The following BRD4 variants were observed in gnomAD, a reference collection of about 807,000 sequenced individuals.
BRD4 encodes the protein bromodomain-containing protein 4.
In BRD4, 16 loss-of-function variants were observed where a neutral mutation model predicts 142.1. The ratio of observed to expected loss-of-function variants is 0.11; its 90% CI spans 0.08 to 0.17. The LOEUF is 0.17. BRD4 is among the 10% of genes least tolerant of loss of function. The pLI is 1.00. For missense variants in BRD4, 1,424 were observed against 1,810.9 expected (o/e 0.79, Z 3.88); for synonymous variants, 833 against 707.5 (o/e 1.18, Z -2.82).
chr19:15,273,896 G>C (rs1304767245), intron 1 of BRD4, among the ~76,000 whole-genome samples: 2 of 151,354 alleles, frequency 1.3e-5, no homozygotes, highest in Admixed American at 6.6e-5. Context: ...ACTTTTAGTG[G>C]GTTCAGAAGC....
At chr19:15,318,799 C>T (rs2048037375) in intron 1 of BRD4, among the ~76,000 whole-genome samples, 1 of 152,098 alleles carries the variant, frequency 6.6e-6, no homozygotes, top group Admixed American at 6.6e-5. Flanking sequence ...TTCCAAGACC[C>T]TCATCTGCGG....
At chr19:15,271,065 C>T (rs751681907) in intron 2 of BRD4, among the ~76,000 whole-genome samples, 1 of 152,182 alleles carries the variant, frequency 6.6e-6, no homozygotes, top group Non-Finnish European at 1.5e-5. Context: ...AACTCCCAAA[C>T]CCCATGGCCT....
chr19:15,252,195 C>A (rs1435061416), intron 11 of BRD4, among the ~76,000 whole-genome samples: 1 of 152,184 alleles, frequency 6.6e-6, no homozygotes, highest in East Asian at 1.9e-4. Flanking sequence ...GACGCAGAGG[C>A]CAAGGGCAAA....
chr19:15,325,799 G>A (rs1248784312), intron 1 of BRD4, among the ~76,000 whole-genome samples: 1 of 151,916 alleles, frequency 6.6e-6, no homozygotes, highest in Non-Finnish European at 1.5e-5. Flanking sequence ...GGGAGTTCCA[G>A]ACCAGCCTGA....
chr19:15,293,188 A>G (rs890643862), intron 1 of BRD4, among the ~76,000 whole-genome samples: 13 of 152,202 alleles, frequency 8.5e-5, no homozygotes, highest in African/African-American at 3.1e-4. Context: ...GTGCCAATAT[A>G]AAAACCGAAG....
intron 1 of BRD4, among the ~76,000 whole-genome samples, chr19:15,325,997 C>CAAAAAAAAAAAAAA (rs35801340): frequency 3.6e-4 from 18 of 50,586 alleles, no homozygotes; most frequent in Admixed American, 7.6e-4. Flanking sequence ...GACTCCGTCT[C>CAAAAAAAAAAAAAA]AAAAAAAAAA....
At chr19:15,277,619 CAAAAAAA>C (rs67961221) in intron 1 of BRD4, among the ~76,000 whole-genome samples, 3 of 96,024 alleles carry the variant, frequency 3.1e-5, no homozygotes, top group Non-Finnish European at 6.2e-5. Flanking sequence ...CTATCTCTAC[CAAAAAAA>C]AAAAAAAAAA....
In BRD4 at chr19:15,239,146, C is replaced by T. The variant is rs1023216999; in HGVS notation, c.3695G>A (p.Arg1232Gln). ...DSFEQFRRAAREKEEREKALK... is the reference protein window; with the variant it reads ...DSFEQFRRAAQEKEEREKALK... The stretch of plus-strand genomic sequence containing the variant: ...GGCCTTCTCACGCTCCTCTTTCTCC[C>T]GAGCGGCGCGGCGGAACTGCTCGAA... Residue 1232 changes from arginine to glutamine, a missense_variant, in exon 18 of 20, where the codon CGG becomes CAG. Around this residue, in one of 16 missense-constraint regions of BRD4, gnomAD observed 49 missense variants for 97.3 expected, o/e 0.50. Coordinates refer to ENST00000679869, the MANE Select transcript of BRD4 (RefSeq NM_001379291.1). The surrounding 1 kb of genome is among the most constrained non-coding windows in gnomAD (Gnocchi z 7.4). 2 of 1,611,814 alleles carry T rather than the reference C, an allele frequency of 1.2e-6. No homozygotes were observed. The highest frequency in any genetic ancestry group is 1.3e-5 in the African/African-American group (1 of 74,922).
chr19:15,241,250 G>A (rs1269603969), intron 14 of BRD4, among the ~76,000 whole-genome samples: 1 of 152,228 alleles, frequency 6.6e-6, no homozygotes, highest in African/African-American at 2.4e-5. Flanking sequence ...TGGCCTGCCA[G>A]GGATCCACAG....
intron 9 of BRD4, 130 bp downstream of exon 9, chr19:15,255,934 T>C: frequency 1.6e-6 from 2 of 1,260,556 alleles, no homozygotes; most frequent in Non-Finnish European, 2.2e-6. Context: ...CAGCCTGGCC[T>C]GTGAAGCCAC....
At position 15,238,321 on chromosome 19, in the gene BRD4, C is replaced by T. The variant is rs1351206213; in HGVS notation, c.*56G>A. On this transcript the variant is annotated 3_prime_UTR_variant, in exon 20 of 20. Coordinates refer to ENST00000679869, the MANE Select transcript of BRD4 (RefSeq NM_001379291.1). The surrounding 1 kb of genome is among the most constrained non-coding windows in gnomAD (Gnocchi z 7.2). ...CCCACCTCCACCACCGCCCCTAACACTATGGAAAGTCAATGTTTTGCCAGA... is the reference window on the plus strand; with the variant it reads ...CCCACCTCCACCACCGCCCCTAACATTATGGAAAGTCAATGTTTTGCCAGA... The T allele has an allele frequency of 2.5e-6, 4 of 1,610,928 alleles. No individual in the cohort carries two copies. In the African/African-American group the frequency reaches 4.0e-5, roughly 16 times the overall value.
intron 1 of BRD4, among the ~76,000 whole-genome samples, chr19:15,281,036 T>C (rs753942065): frequency 6.6e-6 from 1 of 152,258 alleles, no homozygotes; most frequent in African/African-American, 2.4e-5. Context: ...TCTTTAATTG[T>C]GCAATCTGTG....
At chr19:15,259,890 G>A (rs1286551566) in intron 7 of BRD4, among the ~76,000 whole-genome samples, 1 of 152,244 alleles carries the variant, frequency 6.6e-6, no homozygotes, top group Non-Finnish European at 1.5e-5. Flanking sequence ...ACAGTCAGGG[G>A]TGCTATGGGG....
chr19:15,238,941 C>T lies in BRD4; in HGVS notation c.3822G>A (p.Arg1274=), dbSNP rs200422251. 2.5e-4 allele frequency: 401 copies of T among 1,597,730 alleles called. No homozygotes were observed. The highest frequency in any genetic ancestry group is 3.3e-4 in the Non-Finnish European group (388 of 1,174,542). ...EDEDALEQAR[R]AHEEARRRQE... ...GGCGCCGACGTGCCTCCTCATGGGCCCGCCGGGCCTGCTCCAGCGCATCCT... is the reference window on the plus strand; with the variant it reads ...GGCGCCGACGTGCCTCCTCATGGGCTCGCCGGGCCTGCTCCAGCGCATCCT... The change falls in exon 19 of 20, where the codon CGG becomes CGA. Residue 1274 remains arginine (R), a synonymous_variant. Transcript: ENST00000679869. The surrounding 1 kb of genome is among the most constrained non-coding windows in gnomAD (Gnocchi z 7.2).
chr19:15,325,997 C>CAA (rs35801340), intron 1 of BRD4, among the ~76,000 whole-genome samples: 5,996 of 50,484 alleles, frequency 0.12, 406 homozygotes, highest in Non-Finnish European at 0.16. Flanking sequence ...GACTCCGTCT[C>CAA]AAAAAAAAAA....
At position 15,238,081 on chromosome 19, in the gene BRD4, C is replaced by T; in HGVS notation, c.*296G>A. On this transcript the variant is annotated 3_prime_UTR_variant, in exon 20 of 20. Transcript: ENST00000679869. The surrounding 1 kb of genome is among the most constrained non-coding windows in gnomAD (Gnocchi z 7.2). ...ATTTGGCGGAGAGAAGGGCCTCTGC[C>T]CCGCATGTGGGGATGCAGGGCTTGG... 2 of 450,876 alleles carry T rather than the reference C, an allele frequency of 4.4e-6. No individual in the cohort carries two copies. The highest frequency in any genetic ancestry group is 2.5e-5 in the South Asian group (1 of 39,714). The allele number at this position is 450,876 out of a possible 1,614,324, so 27.9% of individuals were successfully genotyped here.
chr19:15,330,698 C>A (rs2048149386), intron 1 of BRD4, among the ~76,000 whole-genome samples: 1 of 152,102 alleles, frequency 6.6e-6, no homozygotes, highest in Admixed American at 6.6e-5. Flanking sequence ...ACCCAGGAGG[C>A]AGAGGTTGCA....
At chr19:15,265,185 T>C (rs148838420) in intron 5 of BRD4, among the ~76,000 whole-genome samples, 169 bp downstream of exon 5, 1 of 152,198 alleles carries the variant, frequency 6.6e-6, no homozygotes, top group East Asian at 1.9e-4. Context: ...TATGGGACCT[T>C]TGAGTCAGTG....
At chr19:15,296,833 C>T (rs1464711801) in intron 1 of BRD4, among the ~76,000 whole-genome samples, 2 of 152,224 alleles carry the variant, frequency 1.3e-5, no homozygotes, top group Non-Finnish European at 2.9e-5. Context: ...AGAGACTTCT[C>T]TAATCTGAAG....
Sources: gnomAD v4.1 joint callset for allele counts (sites outside exome capture counted in the v4.1 genomes callset) on GRCh38, gnomAD v4.1.1 for gene constraint, gnomAD v4.1.1 regional missense constraint, Gnocchi (gnomAD v3.1) non-coding constraint, MANE v1.5 for transcripts, NCBI Gene and HGNC (gene_info 2026-07-23, HGNC 2026-07-21) for gene names.